Variants in PARP12 observed in about 807,000 individuals in gnomAD.
PARP12 encodes the protein poly(ADP-ribose) polymerase family member 12.
A neutral mutation model predicts 72.4 loss-of-function variants in PARP12; 59 were observed. The observed-to-expected ratio is 0.81, with a 90% confidence interval of 0.66 to 1.01. The LOEUF (loss-of-function observed/expected upper bound fraction) is 1.01. Among genes scored for constraint, PARP12 ranks in the 50% least tolerant of loss-of-function variants. The pLI, the probability that PARP12 is intolerant of heterozygous loss-of-function variation, is 0.00. For missense variants in PARP12, 851 were observed against 914.0 expected, an observed-to-expected ratio of 0.93 and a Z score of 0.89; for synonymous variants, 403 against 371.4, an observed-to-expected ratio of 1.09 and a Z score of -0.98.
chr7:140,029,415 T>G (rs1247690885), intron 8 of PARP12, among the ~76,000 whole-genome samples: 1 of 152,244 alleles, frequency 6.6e-6, no homozygotes, highest in African/African-American at 2.4e-5. Context: ...CAGAATACAC[T>G]GTTCTTTCTA....
chr7:140,033,653 A>G (rs1816032961), intron 8 of PARP12: 2 of 985,310 alleles, frequency 2.0e-6, no homozygotes, highest in South Asian at 4.7e-5. Flanking sequence ...AGTACAAAGC[A>G]CAAGAATTTC....
At chr7:140,039,516 C>T (rs1816368342) in intron 6 of PARP12, among the ~76,000 whole-genome samples, 1 of 152,078 alleles carries the variant, frequency 6.6e-6, no homozygotes, top group African/African-American at 2.4e-5. Context: ...AGAAAGGTCT[C>T]GGTTTAGCAC....
chr7:140,031,388 A>C (rs1036832235), intron 8 of PARP12, among the ~76,000 whole-genome samples: 9 of 152,196 alleles, frequency 5.9e-5, no homozygotes, highest in African/African-American at 1.9e-4. Context: ...TAAATAAATA[A>C]ATAAATACAT....
intron 7 of PARP12, 96 bp downstream of exon 7, chr7:140,037,619 G>GCCCTCAGT: frequency 6.5e-7 from 1 of 1,532,560 alleles, no homozygotes; most frequent in East Asian, 2.3e-5. Flanking sequence ...ACCCACCCAG[G>GCCCTCAGT]CCCTCAGTAT....
chr7:140,046,714 G>T (rs879128415), intron 5 of PARP12, among the ~76,000 whole-genome samples, 170 bp downstream of exon 5: 72 of 140,998 alleles, frequency 5.1e-4, no homozygotes, highest in African/African-American at 1.9e-3. Context: ...CAGACTAGGT[G>T]GCTCACAGTG....
In PARP12 at chr7:140,024,818, C is replaced by T. The variant is rs375746909; in HGVS notation, c.1848G>A (p.Thr616=). Residue 616 remains threonine (T), a synonymous_variant, in exon 12 of 12, where the codon ACG becomes ACA. Coordinates refer to ENST00000263549, the MANE Select transcript of PARP12 (RefSeq NM_022750.4). ...CCACCAGCACCCGGGCCAGGAACAT[C>T]GTGTGGGTCTGCGTGTCGGATTTGC... The part of the protein sequence containing the change: ...HYSKSDTQTH[T]MFLARVLVGE... 4.3e-6 allele frequency: 7 copies of T among 1,614,028 alleles called. No homozygotes were observed. Among genetic ancestry groups the T allele is most frequent in the African/African-American group, 2.7e-5 (2 of 74,904 alleles).
Position 140,046,999 on chromosome 7 carries a change from G to C in PARP12, c.871C>G (p.His291Asp). ...TACGGCAAATGGAAATGAACTCTATGGCACTTATCTGAAATAAAAACATAA... is the reference window on the plus strand; with the variant it reads ...TACGGCAAATGGAAATGAACTCTATCGCACTTATCTGAAATAAAAACATAA... ...RKSCSFQDKC[H>D]RVHFHLPYRW... The change falls in exon 5 of 12, where the codon CAT (histidine) becomes GAT (aspartate). Residue 291 changes from histidine (H) to aspartate (D), a missense_variant. Coordinates refer to ENST00000263549, the MANE Select transcript of PARP12 (RefSeq NM_022750.4). 1 of 1,612,136 alleles carries C rather than the reference G, an allele frequency of 6.2e-7. No homozygotes were observed. Among genetic ancestry groups the C allele is most frequent in the Non-Finnish European group, 8.5e-7 (1 of 1,179,302 alleles).
At chr7:140,061,148 G>C (rs1276602288) in intron 1 of PARP12, among the ~76,000 whole-genome samples, 1 of 152,180 alleles carries the variant, frequency 6.6e-6, no homozygotes, top group Non-Finnish European at 1.5e-5. Flanking sequence ...CTTCCTAGAG[G>C]CATTTCCCAG....
chr7:140,039,352 G>A (rs1816360345), intron 6 of PARP12, among the ~76,000 whole-genome samples: 1 of 152,226 alleles, frequency 6.6e-6, no homozygotes, highest in Non-Finnish European at 1.5e-5. Context: ...CCCCGACCCA[G>A]GCCTCCAGTC....
intron 3 of PARP12, among the ~76,000 whole-genome samples, chr7:140,055,431 A>G (rs1817139941): frequency 6.6e-6 from 1 of 152,226 alleles, no homozygotes; most frequent in South Asian, 2.1e-4. Context: ...TACTAGCACC[A>G]TGCCAATGAG....
intron 5 of PARP12, among the ~76,000 whole-genome samples, chr7:140,042,526 G>C (rs1363372158): frequency 1.3e-5 from 2 of 152,234 alleles, no homozygotes; most frequent in Non-Finnish European, 2.9e-5. Flanking sequence ...TAACGACAGA[G>C]AGCCTGGGCT....
rs746191371 is a variant in PARP12, at chr7:140,062,794, C to G, written c.54G>C (p.Gly18=). The change falls in exon 1 of 12, where the codon GGG becomes GGC. Residue 18 remains glycine, a synonymous_variant. Coordinates refer to ENST00000263549, the MANE Select transcript of PARP12 (RefSeq NM_022750.4). The part of the protein sequence containing the change: ...GEVTQVLCAA[G]GALELPELRR... ...GCAGCTCGGGCAACTCCAGGGCGCC[C>G]CCGGCCGCGCACAGCACCTGGGTGA... 187 of 1,412,192 alleles carry G rather than the reference C, an allele frequency of 1.3e-4. No individual in the cohort carries two copies. Among genetic ancestry groups the G allele is most frequent in the Non-Finnish European group, 7.4e-6 (8 of 1,080,510 alleles). 87.5% of individuals were successfully genotyped at this position (1,412,192 alleles called of 1,614,324 possible). A position where few individuals can be genotyped will look rare whatever the true frequency, so the allele number is the denominator to read the frequency against.
At chr7:140,039,512 G>A (rs1477893783) in intron 6 of PARP12, among the ~76,000 whole-genome samples, 1 of 152,218 alleles carries the variant, frequency 6.6e-6, no homozygotes, top group African/African-American at 2.4e-5. Context: ...GCTGAGAAAG[G>A]TCTCGGTTTA....
chr7:140,056,809 G>A lies in PARP12; in HGVS notation c.760+47C>T, dbSNP rs764062933. The A allele has an allele frequency of 1.5e-5, 22 of 1,516,102 alleles. No homozygotes were observed. In the East Asian group the frequency reaches 4.8e-4, roughly 33 times the overall value. 93.9% of individuals were successfully genotyped at this position (1,516,102 alleles called of 1,614,324 possible). On this transcript the variant is annotated intron_variant, in intron 3 of 11. Coordinates refer to ENST00000263549, the MANE Select transcript of PARP12 (RefSeq NM_022750.4). ...TGGAATCCGGGAACCCCCAGCCCAG[G>A]ACCTCCCGTGCTCCCCACCAGCCTT... is the stretch of plus-strand genomic sequence containing the variant.
intron 8 of PARP12, 171 bp downstream of exon 8, chr7:140,034,064 A>C (rs1448267017): frequency 7.7e-7 from 1 of 1,300,314 alleles, no homozygotes; most frequent in Non-Finnish European, 9.8e-7. Flanking sequence ...CCACAGGGTA[A>C]TTCCCACTCT....
At chr7:140,037,680 C>A in intron 7 of PARP12, 35 bp downstream of exon 7, 2 of 1,607,854 alleles carry the variant, frequency 1.2e-6, no homozygotes, top group Middle Eastern at 1.7e-4. Flanking sequence ...CCAACACAGG[C>A]AGGCTCTGCT....
In PARP12 at chr7:140,027,344, C is replaced by G. The variant is rs758467201; in HGVS notation, c.1560G>C (p.Thr520=). 1 of 1,614,026 alleles carries G rather than the reference C, an allele frequency of 6.2e-7. No homozygotes were observed. Among genetic ancestry groups the G allele is most frequent in the Non-Finnish European group, 8.5e-7 (1 of 1,179,950 alleles). ...TCTTCTGAACAAAGTAGAAAGGCAG[C>G]GTGCGGTTAAAGAGGTTCCAGACCT... ...YQKVWNLFNR[T]LPFYFVQKIE... Residue 520 remains threonine (T), a synonymous_variant, in exon 10 of 12, where the codon ACG becomes ACC. Transcript: ENST00000263549.
In PARP12 at chr7:140,045,614, A is replaced by G. The variant is rs374006034; in HGVS notation, c.986+1270T>C. Among the ~76,000 whole-genome samples the G allele has an allele frequency of 3.3e-5, 5 of 152,352 alleles. No homozygotes were observed. In the East Asian group the frequency reaches 9.6e-4, roughly 29 times the overall value. ...CAGCTAAAAGTCTGTTAAGATAAAG[A>G]GTCTGTTTAGATTTCCAGAGCAGCC... On this transcript the variant is annotated intron_variant, in intron 5 of 11. Transcript: ENST00000263549.
intron 10 of PARP12, 152 bp from the exon 11 acceptor site, chr7:140,026,500 G>GT: frequency 4.5e-6 from 4 of 894,992 alleles, no homozygotes; most frequent in Non-Finnish European, 5.9e-6. Context: ...AGGCCTGTAA[G>GT]CTCCAGCCAC....
Sources: allele counts gnomAD v4.1 joint callset (sites outside exome capture counted in the v4.1 genomes callset), GRCh38; gene constraint gnomAD v4.1.1; transcripts MANE v1.5; gene names NCBI Gene and HGNC (gene_info 2026-07-23, HGNC 2026-07-21).